The following ITCH variants were observed in gnomAD, a reference collection of about 807,000 sequenced individuals.
ITCH encodes itchy E3 ubiquitin protein ligase.
Under a neutral mutation model 126.8 loss-of-function variants are expected in ITCH, and 28 were observed. That is an observed-to-expected ratio of 0.22 (90% CI 0.16 to 0.30). The LOEUF is 0.30. ITCH is among the 10% of genes least tolerant of loss of function. ITCH has a pLI of 1.00. For missense variants in ITCH, 631 were observed against 1,032.4 expected (o/e 0.61, Z 5.33); for synonymous variants, 342 against 340.0 (o/e 1.01, Z -0.06).
chr20:34,475,111 A>AG (rs1056454497), intron 16 of ITCH, among the ~76,000 whole-genome samples: 1 of 149,614 alleles, frequency 6.7e-6, no homozygotes, highest in African/African-American at 2.5e-5. Context: ...GGCCGGGAAG[A>AG]GGCGCTCCTC....
intron 2 of ITCH, among the ~76,000 whole-genome samples, chr20:34,379,597 T>TC (rs905515587): frequency 4.0e-5 from 6 of 149,360 alleles, no homozygotes; most frequent in African/African-American, 1.5e-4. Flanking sequence ...ATTTGTCCTT[T>TC]TTTTTTTTTT....
intron 16 of ITCH, chr20:34,476,592 G>A (rs532001685): frequency 3.0e-4 from 176 of 582,378 alleles, no homozygotes; most frequent in Non-Finnish European, 4.0e-4. Context: ...TGGCATAAAC[G>A]TACATATGTC....
intron 20 of ITCH, among the ~76,000 whole-genome samples, chr20:34,485,041 G>A (rs183658301): frequency 1.3e-5 from 2 of 152,220 alleles, no homozygotes; most frequent in Admixed American, 1.3e-4. Flanking sequence ...CATAGAGTAT[G>A]TACTCTTATA....
chr20:34,444,057 A>G (rs182120212), intron 10 of ITCH, among the ~76,000 whole-genome samples: 1 of 152,340 alleles, frequency 6.6e-6, no homozygotes, highest in East Asian at 1.9e-4. Context: ...TTTATCCTAA[A>G]GAAACAATTC....
chr20:34,420,540 T>C (rs143923880), intron 6 of ITCH, among the ~76,000 whole-genome samples: 144 of 152,354 alleles, frequency 9.5e-4, no homozygotes, highest in African/African-American at 3.3e-3. Context: ...AATGCTGCTT[T>C]AAGCATTTGT....
At chr20:34,448,333 C>T (rs1161810014) in intron 11 of ITCH, among the ~76,000 whole-genome samples, 1 of 151,428 alleles carries the variant, frequency 6.6e-6, no homozygotes, top group Non-Finnish European at 1.5e-5. Context: ...CCGGAGGCTA[C>T]AGTGAGCCGA....
intron 1 of ITCH, among the ~76,000 whole-genome samples, chr20:34,366,399 A>T (rs532153885): frequency 3.3e-5 from 5 of 152,000 alleles, no homozygotes; most frequent in South Asian, 4.2e-4. Flanking sequence ...AATTTTTAAA[A>T]TTTTTTTGTA....
At chr20:34,488,150 AT>A (rs60684607) in intron 20 of ITCH, among the ~76,000 whole-genome samples, 3,310 of 143,992 alleles carry the variant, frequency 0.023, 99 homozygotes, top group African/African-American at 0.079. Context: ...CCTCAGATTC[AT>A]TTTTTTTTTT....
In ITCH at chr20:34,509,120, T is replaced by C. The variant is rs1007960101; in HGVS notation, c.*1326T>C. 2.3e-4 allele frequency: 35 copies of C among 152,662 alleles called. No individual in the cohort carries two copies. The highest frequency in any genetic ancestry group is 8.4e-4 in the African/African-American group (35 of 41,462). The allele number at this position is 152,662 out of a possible 1,614,324, so 9.5% of individuals were successfully genotyped here. On this transcript the variant is annotated 3_prime_UTR_variant, in exon 25 of 25. Transcript: ENST00000374864. ...CACCCCTAAAATTTTTAACAGGGTT[T>C]CCTTTTTTTCTCACGACTATTTAAG...
chr20:34,411,801 C>G (rs1028580220), intron 4 of ITCH, among the ~76,000 whole-genome samples: 1 of 152,146 alleles, frequency 6.6e-6, no homozygotes. Flanking sequence ...AACATTGATT[C>G]TACGTGTATT....
At chr20:34,504,694 T>C (rs1990511685) in intron 24 of ITCH, among the ~76,000 whole-genome samples, 1 of 152,190 alleles carries the variant, frequency 6.6e-6, no homozygotes, top group Admixed American at 6.5e-5. Context: ...TCTAACATCA[T>C]GACCACAAAT....
intron 16 of ITCH, among the ~76,000 whole-genome samples, chr20:34,472,454 A>G (rs963674445): frequency 3.9e-5 from 6 of 152,176 alleles, no homozygotes; most frequent in South Asian, 2.1e-4. Context: ...AACCTACTGC[A>G]ACTAAATGTT....
At chr20:34,404,948 A>G (rs1315375477) in intron 3 of ITCH, among the ~76,000 whole-genome samples, 2 of 151,742 alleles carry the variant, frequency 1.3e-5, no homozygotes, top group African/African-American at 4.8e-5. Context: ...AACTTGGGCA[A>G]CATGTCAAAA....
At chr20:34,390,225 A>G (rs1169478917) in intron 2 of ITCH, among the ~76,000 whole-genome samples, 2 of 152,176 alleles carry the variant, frequency 1.3e-5, no homozygotes, top group Admixed American at 1.3e-4. Context: ...AATTCTGCAG[A>G]TACTCTGTCA....
intron 2 of ITCH, among the ~76,000 whole-genome samples, chr20:34,379,519 A>G (rs978240559): frequency 3.3e-5 from 5 of 151,052 alleles, no homozygotes; most frequent in African/African-American, 1.2e-4. Context: ...GGTAACTACT[A>G]TTCTGTTTTC....
chr20:34,468,635 A>G (rs1197117021), intron 14 of ITCH, among the ~76,000 whole-genome samples: 3 of 151,966 alleles, frequency 2.0e-5, no homozygotes, highest in Non-Finnish European at 4.4e-5. Flanking sequence ...TACTAAAAAT[A>G]CAAAAATTAG....
intron 16 of ITCH, among the ~76,000 whole-genome samples, chr20:34,475,696 G>T (rs1440012529): frequency 1.3e-5 from 2 of 149,688 alleles, no homozygotes; most frequent in Non-Finnish European, 3.0e-5. Context: ...AGAGGCAGAG[G>T]CAGGGGCAGG....
rs577370759 is a variant in ITCH at position 34,448,252 on chromosome 20, G to T, written c.1141-1159G>T. Among the ~76,000 whole-genome samples the T allele has an allele frequency of 3.3e-5, 5 of 152,238 alleles. No homozygotes were observed. In the East Asian group the frequency reaches 9.7e-4, roughly 29 times the overall value. On this transcript the variant is annotated intron_variant, in intron 11 of 24. Transcript: ENST00000374864. The stretch of plus-strand genomic sequence containing the variant: ...ACTAAAAATACAAAAAGTTAGCTGG[G>T]CGTGGTGGCGCGTGCCTGTGATCCC...
intron 6 of ITCH, among the ~76,000 whole-genome samples, chr20:34,422,672 G>A (rs1430985891): frequency 6.6e-6 from 1 of 151,888 alleles, no homozygotes; most frequent in Non-Finnish European, 1.5e-5. Flanking sequence ...AGTAACTTAA[G>A]TGAGGGATTC....
Sources: allele counts gnomAD v4.1 joint callset (sites outside exome capture counted in the v4.1 genomes callset), GRCh38; gene constraint gnomAD v4.1.1; transcripts MANE v1.5; gene names NCBI Gene and HGNC (gene_info 2026-07-23, HGNC 2026-07-21).